Variants in NRXN1 observed in about 807,000 individuals in gnomAD.
NRXN1 encodes the protein neurexin 1.
In NRXN1, 39 loss-of-function variants were observed where a neutral mutation model predicts 150.9. The ratio of observed to expected loss-of-function variants is 0.26; its 90% confidence interval spans 0.20 to 0.34. NRXN1 has a LOEUF of 0.34. Among genes scored for constraint, NRXN1 ranks in the 10% least tolerant of loss-of-function variants. The pLI is 1.00. For synonymous variants in NRXN1, 924 were observed against 757.0 expected (o/e 1.22, Z -3.62); for missense variants, 1,815 against 1,949.9 (o/e 0.93, Z 1.30).
chr2:50,381,595 G>A (rs1445938849), intron 17 of NRXN1, among the ~76,000 whole-genome samples: 2 of 141,536 alleles, frequency 1.4e-5, no homozygotes, highest in East Asian at 4.1e-4. Flanking sequence ...GCTATGAAAA[G>A]GAGCTAGAGT....
Position 50,472,325 on chromosome 2 carries a change from T to C in NRXN1, c.3217A>G (p.Asn1073Asp). The C allele has an allele frequency of 2.5e-6, 4 of 1,610,686 alleles. No individual in the cohort carries two copies. The Middle Eastern group carries it at 5.0e-4, about 200-fold the overall frequency. ...TCACATCCTCTCTCGATCTGTCCGT[T>C]GCAGAAAAGAGCATCGGAGATGAGG... ...PDLISDALFC[N>D]GQIERGCEGP... Residue 1073 changes from asparagine (N) to aspartate (D), a missense_variant, in exon 16 of 23, where the codon AAC becomes GAC. Physicochemically the swap from Asn to Asp is conservative, Grantham distance 23 (BLOSUM62 1). Around this residue, in one of 6 missense-constraint regions of NRXN1, gnomAD observed 339 missense variants for 440.3 expected, o/e 0.77. Transcript: ENST00000401669.
At chr2:50,196,043 G>C (rs907674621) in intron 18 of NRXN1, among the ~76,000 whole-genome samples, 9 of 151,890 alleles carry the variant, frequency 5.9e-5, no homozygotes, top group Non-Finnish European at 1.0e-4. Context: ...GTGTGCCATG[G>C]TGATTTGCTG....
At chr2:49,954,611 C>T (rs1445716671) in intron 21 of NRXN1, among the ~76,000 whole-genome samples, 1 of 152,084 alleles carries the variant, frequency 6.6e-6, no homozygotes, top group Non-Finnish European at 1.5e-5. Flanking sequence ...GACTGAATCT[C>T]TAAGTGTAAT....
chr2:50,338,843 A>G (rs2077362535), intron 17 of NRXN1, among the ~76,000 whole-genome samples: 2 of 152,168 alleles, frequency 1.3e-5, no homozygotes, highest in African/African-American at 2.4e-5. Flanking sequence ...ATCACAGTCA[A>G]CTCCTAGTGA....
intron 8 of NRXN1, among the ~76,000 whole-genome samples, chr2:50,560,605 G>C (rs1259720161): frequency 6.6e-6 from 1 of 151,906 alleles, no homozygotes; most frequent in South Asian, 2.1e-4. Flanking sequence ...GTTAATTTTG[G>C]ATTTTTAGTA....
intron 21 of NRXN1, among the ~76,000 whole-genome samples, chr2:49,987,693 T>G (rs1446144380): frequency 6.6e-6 from 1 of 152,060 alleles, no homozygotes; most frequent in African/African-American, 2.4e-5. Flanking sequence ...GAGCCCATTA[T>G]GTCAACATTC....
chr2:50,947,998 T>C (rs567690525), intron 2 of NRXN1, among the ~76,000 whole-genome samples: 13 of 152,070 alleles, frequency 8.5e-5, no homozygotes, highest in Middle Eastern at 3.4e-3. Context: ...TATCTCAAAA[T>C]ACATTAAAAA....
At chr2:50,941,833 G>A (rs965117510) in intron 2 of NRXN1, among the ~76,000 whole-genome samples, 10 of 152,106 alleles carry the variant, frequency 6.6e-5, no homozygotes, top group South Asian at 2.1e-4. Flanking sequence ...ATTTTCTGGG[G>A]AGAAATTAAA....
At chr2:50,583,652 T>C (rs1672639817) in intron 8 of NRXN1, among the ~76,000 whole-genome samples, 1 of 152,158 alleles carries the variant, frequency 6.6e-6, no homozygotes, top group Admixed American at 6.5e-5. Context: ...ATTGAGCACC[T>C]TCTGTACCCG....
At chr2:50,944,026 T>C (rs894121626) in intron 2 of NRXN1, among the ~76,000 whole-genome samples, 1 of 152,172 alleles carries the variant, frequency 6.6e-6, no homozygotes, top group Non-Finnish European at 1.5e-5. Context: ...CAAAATTGGC[T>C]TCAGCACTCA....
chr2:50,205,453 T>C (rs2062499258), intron 18 of NRXN1, among the ~76,000 whole-genome samples: 1 of 152,142 alleles, frequency 6.6e-6, no homozygotes, highest in African/African-American at 2.4e-5. Flanking sequence ...TCTAATATTT[T>C]CACGGTATTC....
At chr2:50,792,879 A>G (rs1338401618) in intron 5 of NRXN1, among the ~76,000 whole-genome samples, 1 of 152,136 alleles carries the variant, frequency 6.6e-6, no homozygotes, top group Non-Finnish European at 1.5e-5. Context: ...TAAGTGACTT[A>G]TCCAAAGTAA....
chr2:50,624,933 C>T (rs1201424910), intron 5 of NRXN1: 1 of 151,932 alleles, frequency 6.6e-6, no homozygotes, highest in African/African-American at 2.4e-5. Flanking sequence ...GAATGTAAGC[C>T]ATAAGACCCC....
intron 17 of NRXN1, among the ~76,000 whole-genome samples, chr2:50,361,690 T>C (rs548940729): frequency 8.5e-5 from 13 of 152,300 alleles, no homozygotes; most frequent in African/African-American, 2.9e-4. Context: ...GCTGGTACCA[T>C]TCCTTCTGAA....
intron 5 of NRXN1, among the ~76,000 whole-genome samples, chr2:50,823,067 A>G (rs78416992): frequency 0.075 from 11,463 of 152,248 alleles, 538 homozygotes; most frequent in Middle Eastern, 0.13. Flanking sequence ...TGCACCCTGG[A>G]GACCTGGGCA....
intron 5 of NRXN1, among the ~76,000 whole-genome samples, chr2:50,637,884 AAATTTTCCTAG>A (rs1353185995): frequency 2.0e-5 from 3 of 152,052 alleles, no homozygotes; most frequent in Admixed American, 6.6e-5. Context: ...TTAAAAAAAA[AAATTTTCCTAG>A]GATGATGAAA....
At position 50,599,054 on chromosome 2, in the gene NRXN1, G is replaced by A. The variant is rs1675809876; in HGVS notation, c.1320+20968C>T. 2.0e-5 allele frequency among the ~76,000 whole-genome samples: 3 copies of A among 152,140 alleles called. No individual in the cohort carries two copies. The South Asian group carries it at 6.2e-4, about 32-fold the overall frequency. On this transcript the variant is annotated intron_variant, in intron 8 of 22. Transcript: ENST00000401669. The stretch of plus-strand genomic sequence containing the variant: ...CCCAAAGTGCTAGGATTACAGGTGT[G>A]AGCCACCATGTCTGGCCAACTCTCC...
intron 17 of NRXN1, among the ~76,000 whole-genome samples, chr2:50,397,342 G>A (rs2082115442): frequency 6.6e-6 from 1 of 152,036 alleles, no homozygotes; most frequent in South Asian, 2.1e-4. Flanking sequence ...TCCCTAAAGT[G>A]AACAGACCAC....
At chr2:50,985,068 T>C (rs555768992) in intron 2 of NRXN1, among the ~76,000 whole-genome samples, 2 of 152,028 alleles carry the variant, frequency 1.3e-5, no homozygotes, top group Admixed American at 6.6e-5. Flanking sequence ...AGAAGAGTGC[T>C]AGAAAACAAA....
Sources: allele counts gnomAD v4.1 joint callset (sites outside exome capture counted in the v4.1 genomes callset), GRCh38; gene constraint gnomAD v4.1.1; regional missense constraint gnomAD v4.1.1; transcripts MANE v1.5; gene names NCBI Gene and HGNC (gene_info 2026-07-23, HGNC 2026-07-21).